Variants in TCF12 observed in about 807,000 individuals in gnomAD.
TCF12 encodes the protein transcription factor 12.
Under a neutral mutation model 86.0 loss-of-function variants are expected in TCF12, and 45 were observed. That is an observed-to-expected ratio of 0.52 (90% CI 0.41 to 0.67). The LOEUF is 0.67. TCF12 is among the 30% of genes least tolerant of loss of function. The pLI is 0.00. For synonymous variants in TCF12, 330 were observed against 299.6 expected (o/e 1.10, Z -1.05); for missense variants, 881 against 859.9 (o/e 1.02, Z -0.31).
intron 3 of TCF12, among the ~76,000 whole-genome samples, chr15:56,947,605 T>G (rs114061947): frequency 1.5e-3 from 223 of 152,300 alleles, no homozygotes; most frequent in Middle Eastern, 0.01. Context: ...TGTTTTCCAG[T>G]GTTGGGAAGC....
chr15:57,202,221 C>A (rs2057577416), intron 8 of TCF12, among the ~76,000 whole-genome samples: 1 of 152,106 alleles, frequency 6.6e-6, no homozygotes, highest in African/African-American at 2.4e-5. Context: ...ACACCATTTT[C>A]TTTTTGAGTG....
At chr15:57,153,450 T>A (rs1348331564) in intron 5 of TCF12, among the ~76,000 whole-genome samples, 1 of 152,114 alleles carries the variant, frequency 6.6e-6, no homozygotes, top group Non-Finnish European at 1.5e-5. Context: ...CAACCCATGA[T>A]CTATACAAAG....
chr15:57,170,652 TTATATAA>T (rs2055270727), intron 6 of TCF12, among the ~76,000 whole-genome samples: 2 of 44,944 alleles, frequency 4.4e-5, no homozygotes, highest in Non-Finnish European at 7.9e-5. Context: ...AATATATATA[TTATATAA>T]AATATATATA....
intron 4 of TCF12, among the ~76,000 whole-genome samples, chr15:57,077,771 A>G (rs1308395271): frequency 6.6e-6 from 1 of 150,774 alleles, no homozygotes; most frequent in African/African-American, 2.4e-5. Flanking sequence ...GTTTGCATGT[A>G]CTTTCTTAAG....
intron 3 of TCF12, among the ~76,000 whole-genome samples, chr15:56,968,693 G>T (rs1158974134): frequency 1.3e-5 from 2 of 152,186 alleles, no homozygotes; most frequent in South Asian, 2.1e-4. Flanking sequence ...AAATATCTGA[G>T]ACAGGTCTCA....
chr15:57,029,692 T>G (rs549241386), intron 3 of TCF12, among the ~76,000 whole-genome samples: 21 of 152,250 alleles, frequency 1.4e-4, no homozygotes, highest in Admixed American at 1.3e-3. Context: ...ATATATATAG[T>G]TCTGTTACCC....
intron 3 of TCF12, among the ~76,000 whole-genome samples, chr15:57,060,561 C>T (rs982168562): frequency 2.0e-5 from 3 of 152,194 alleles, no homozygotes; most frequent in Admixed American, 6.5e-5. Flanking sequence ...TGAACTTTCT[C>T]TTACATCTGC....
chr15:57,223,661 T>TTTTATTTTTTTA (rs2058728076), intron 8 of TCF12, among the ~76,000 whole-genome samples: 5 of 142,608 alleles, frequency 3.5e-5, no homozygotes, highest in Admixed American at 7.0e-5. Flanking sequence ...TTTTTTTTTT[T>TTTTATTTTTTTA]TTTTTTTTTT....
At position 57,151,158 on chromosome 15, in the gene TCF12, T is replaced by A. The variant is rs2053729888; in HGVS notation, c.326-15244T>A. Among the ~76,000 whole-genome samples, 3 of 149,930 alleles carry A rather than the reference T, an allele frequency of 2.0e-5. No individual in the cohort carries two copies. In the South Asian group the frequency reaches 6.4e-4, roughly 32 times the overall value. On this transcript the variant is annotated intron_variant, in intron 5 of 20. Coordinates refer to ENST00000333725, the MANE Select transcript of TCF12 (RefSeq NM_207037.2). ...CCTGGCCAATTTTTTTTTTTTTTTT[T>A]TTTTTAGAGACAGGGTCTTACTATG... is the stretch of plus-strand genomic sequence containing the variant.
chr15:56,997,046 A>G (rs1170985756), intron 3 of TCF12, among the ~76,000 whole-genome samples: 2 of 152,168 alleles, frequency 1.3e-5, no homozygotes, highest in Non-Finnish European at 2.9e-5. Context: ...TATTTCAGCC[A>G]TTGTGGGAAG....
At chr15:56,958,655 A>G (rs921763680) in intron 3 of TCF12, among the ~76,000 whole-genome samples, 1 of 134,428 alleles carries the variant, frequency 7.4e-6, no homozygotes, top group Non-Finnish European at 1.6e-5. Flanking sequence ...TTGCCTGTAT[A>G]TGAGAAAGAG....
chr15:57,065,408 C>T (rs976269631), intron 4 of TCF12, among the ~76,000 whole-genome samples: 2 of 152,142 alleles, frequency 1.3e-5, no homozygotes, highest in South Asian at 2.1e-4. Context: ...GTTTCTGATT[C>T]TTTGAGTAAT....
chr15:57,063,660 C>T (rs2068628079), intron 3 of TCF12, 90 bp from the exon 4 acceptor site: 2 of 1,004,864 alleles, frequency 2.0e-6, no homozygotes, highest in Non-Finnish European at 1.5e-6. Context: ...GCGCAAATAC[C>T]ACTTGCTAAA....
Position 57,055,356 on chromosome 15 carries a change from G to A in TCF12, c.149-8394G>A, listed in dbSNP as rs751404397. Among the ~76,000 whole-genome samples the A allele has an allele frequency of 3.2e-4, 48 of 152,224 alleles. 2 individuals are homozygous for A. The highest frequency in any genetic ancestry group is 6.2e-4 in the South Asian group (3 of 4,818). On this transcript the variant is annotated intron_variant, in intron 3 of 20. Coordinates refer to ENST00000333725, the MANE Select transcript of TCF12 (RefSeq NM_207037.2). The stretch of plus-strand genomic sequence containing the variant: ...GCGGCGGTTGCAGTGAGCTCAGATC[G>A]CGCCACTGCACTCTGGCCTGGGTGA...
chr15:57,091,101 TAAG>T (rs1444155836), intron 4 of TCF12, among the ~76,000 whole-genome samples: 1 of 152,244 alleles, frequency 6.6e-6, no homozygotes, highest in East Asian at 1.9e-4. Flanking sequence ...ATTTCATTCT[TAAG>T]AATTTAAATC....
chr15:57,197,913 A>G, intron 8 of TCF12, 88 bp downstream of exon 8: 1 of 1,310,616 alleles, frequency 7.6e-7, no homozygotes, highest in South Asian at 1.2e-5. Context: ...CATTCGATTG[A>G]TGCGAGTGGG....
chr15:57,283,666 G>A (rs1325710114), intron 20 of TCF12, among the ~76,000 whole-genome samples: 3 of 152,162 alleles, frequency 2.0e-5, no homozygotes, highest in African/African-American at 7.2e-5. Flanking sequence ...AGTGCGGGGT[G>A]TGGAACAGAA....
intron 7 of TCF12, 52 bp from the exon 8 acceptor site, chr15:57,197,721 G>C: frequency 6.3e-7 from 1 of 1,588,544 alleles, no homozygotes; most frequent in Non-Finnish European, 8.6e-7. Flanking sequence ...TTGAAGTCTT[G>C]ATTTTTTTCT....
chr15:57,045,887 G>A (rs1305274305), intron 3 of TCF12, among the ~76,000 whole-genome samples: 1 of 152,090 alleles, frequency 6.6e-6, no homozygotes, highest in Non-Finnish European at 1.5e-5. Context: ...GCTCCGGCAG[G>A]CTGTCAGTAC....
Sources: allele counts gnomAD v4.1 joint callset (sites outside exome capture counted in the v4.1 genomes callset), GRCh38; gene constraint gnomAD v4.1.1; transcripts MANE v1.5; gene names NCBI Gene and HGNC (gene_info 2026-07-23, HGNC 2026-07-21).